Variants in LSAMP observed in about 807,000 individuals in gnomAD.
The protein encoded by LSAMP is limbic system associated membrane protein.
In LSAMP, 7 loss-of-function variants were observed where a neutral mutation model predicts 38.6. The ratio of observed to expected loss-of-function variants is 0.18; its 90% CI spans 0.10 to 0.34. LSAMP has a LOEUF of 0.34. LSAMP is among the 10% of genes least tolerant of loss of function. The probability of loss-of-function intolerance (pLI) is 1.00; values close to 1 mark genes in which losing one functional copy is unlikely to be tolerated. For missense variants in LSAMP, 313 were observed against 420.0 expected, an observed-to-expected ratio of 0.75 and a Z score of 2.23; for synonymous variants, 154 against 166.8, an observed-to-expected ratio of 0.92 and a Z score of 0.59.
intron 2 of LSAMP, among the ~76,000 whole-genome samples, chr3:116,054,188 C>T (rs1941447368): frequency 6.6e-6 from 1 of 152,146 alleles, no homozygotes; most frequent in Non-Finnish European, 1.5e-5. Context: ...AGTGCAGCAT[C>T]AATAATCTCT....
At chr3:116,230,793 T>C (rs2046395110) in intron 1 of LSAMP, among the ~76,000 whole-genome samples, 2 of 152,104 alleles carry the variant, frequency 1.3e-5, no homozygotes, top group Non-Finnish European at 2.9e-5. Context: ...AAAAAAAAAC[T>C]TTTTGCCTTT....
At chr3:115,894,761 A>G (rs1936686987) in intron 3 of LSAMP, among the ~76,000 whole-genome samples, 1 of 152,100 alleles carries the variant, frequency 6.6e-6, no homozygotes, top group African/African-American at 2.4e-5. Flanking sequence ...CTTGTGCTTA[A>G]AAGCAGAACA....
intron 1 of LSAMP, among the ~76,000 whole-genome samples, chr3:116,380,719 T>A (rs1158192954): frequency 6.6e-6 from 1 of 152,082 alleles, no homozygotes; most frequent in Non-Finnish European, 1.5e-5. Flanking sequence ...TAGATTACAA[T>A]CTGATTCTTA....
At chr3:116,129,073 CTA>C (rs1002287237) in intron 1 of LSAMP, among the ~76,000 whole-genome samples, 1 of 152,062 alleles carries the variant, frequency 6.6e-6, no homozygotes, top group African/African-American at 2.4e-5. Context: ...GTAGAACTAA[CTA>C]TATTTACATT....
intron 1 of LSAMP, among the ~76,000 whole-genome samples, chr3:116,351,106 A>G (rs575927061): frequency 7.9e-5 from 12 of 152,096 alleles, no homozygotes; most frequent in South Asian, 2.1e-4. Flanking sequence ...GAAAGTTTCA[A>G]TAAACTGCCT....
intron 1 of LSAMP, among the ~76,000 whole-genome samples, chr3:116,094,452 C>A (rs1708183787): frequency 6.6e-6 from 1 of 152,212 alleles, no homozygotes. Context: ...TAATGGTTGA[C>A]TTCTCTGGAT....
intron 1 of LSAMP, among the ~76,000 whole-genome samples, chr3:116,241,699 T>C (rs954597075): frequency 1.1e-4 from 17 of 152,206 alleles, no homozygotes; most frequent in African/African-American, 4.1e-4. Context: ...TCTAATTATT[T>C]CCCCAGTTTG....
At chr3:116,388,880 A>G (rs1354936645) in intron 1 of LSAMP, among the ~76,000 whole-genome samples, 1 of 152,204 alleles carries the variant, frequency 6.6e-6, no homozygotes, top group Non-Finnish European at 1.5e-5. Flanking sequence ...ACAAACAAAC[A>G]AAAAGCAACA....
chr3:116,236,561 T>G (rs1169694610), intron 1 of LSAMP, among the ~76,000 whole-genome samples: 6 of 152,146 alleles, frequency 3.9e-5, no homozygotes, highest in African/African-American at 1.4e-4. Flanking sequence ...CATTGAACCA[T>G]GGCTTCTTTA....
At chr3:115,901,413 A>G (rs1559873360) in intron 3 of LSAMP, among the ~76,000 whole-genome samples, 2 of 152,138 alleles carry the variant, frequency 1.3e-5, no homozygotes, top group African/African-American at 4.8e-5. Context: ...TTCCCGAAAT[A>G]GTGTTCAAGT....
intron 1 of LSAMP, among the ~76,000 whole-genome samples, chr3:116,143,540 C>A (rs1437038370): frequency 6.6e-6 from 1 of 151,920 alleles, no homozygotes; most frequent in Non-Finnish European, 1.5e-5. Flanking sequence ...GCTTATTTCA[C>A]ACTGTATGCT....
intron 3 of LSAMP, among the ~76,000 whole-genome samples, chr3:115,929,730 A>G (rs1330998061): frequency 6.6e-6 from 1 of 152,168 alleles, no homozygotes; most frequent in Non-Finnish European, 1.5e-5. Context: ...TAATGAAGGC[A>G]TAAAAGAGCC....
At chr3:115,815,149 G>C (rs1327134530) in intron 6 of LSAMP, among the ~76,000 whole-genome samples, 1 of 152,180 alleles carries the variant, frequency 6.6e-6, no homozygotes, top group Non-Finnish European at 1.5e-5. Flanking sequence ...CAGAGAGAGA[G>C]AGAGAAAGAG....
chr3:116,185,030 C>CTT (rs368314567), intron 1 of LSAMP, among the ~76,000 whole-genome samples: 20 of 117,762 alleles, frequency 1.7e-4, no homozygotes, highest in African/African-American at 3.2e-4. Flanking sequence ...TTCTTTCTTT[C>CTT]TTTTTTTTTT....
At chr3:116,282,039 A>G (rs755091923) in intron 1 of LSAMP, among the ~76,000 whole-genome samples, 8 of 152,226 alleles carry the variant, frequency 5.3e-5, no homozygotes, top group Non-Finnish European at 7.3e-5. Context: ...TATTTTCTAT[A>G]AGAAAATCAA....
intron 1 of LSAMP, among the ~76,000 whole-genome samples, chr3:116,286,814 T>A (rs1220027238): frequency 1.3e-5 from 2 of 151,928 alleles, no homozygotes; most frequent in African/African-American, 4.8e-5. Flanking sequence ...AAGAGCCTAC[T>A]ATTAAATATT....
chr3:116,156,536 G>C (rs1352818714), intron 1 of LSAMP, among the ~76,000 whole-genome samples: 2 of 152,070 alleles, frequency 1.3e-5, no homozygotes, highest in Non-Finnish European at 2.9e-5. Flanking sequence ...TGGTGATATT[G>C]CTACTAAATG....
chr3:116,208,997 G>C (rs919929719), intron 1 of LSAMP, among the ~76,000 whole-genome samples: 2 of 152,208 alleles, frequency 1.3e-5, no homozygotes, highest in Non-Finnish European at 1.5e-5. Flanking sequence ...CCCTCCCGGA[G>C]CCTCGCTGCC....
At chr3:115,861,955 G>C (rs918122998) in intron 3 of LSAMP, among the ~76,000 whole-genome samples, 1 of 152,162 alleles carries the variant, frequency 6.6e-6, no homozygotes, top group African/African-American at 2.4e-5. Flanking sequence ...ATGACCTCGG[G>C]TGCGGGGAAG....
Sources: gnomAD v4.1 joint callset for allele counts (sites outside exome capture counted in the v4.1 genomes callset) on GRCh38, gnomAD v4.1.1 for gene constraint, MANE v1.5 for transcripts, NCBI Gene and HGNC (gene_info 2026-07-23, HGNC 2026-07-21) for gene names.